Variants in INTS8 observed in about 807,000 individuals in gnomAD.
INTS8 encodes the protein integrator complex subunit 8, also known as protein kaonashi-1.
INTS8 carries 47 observed loss-of-function variants against 138.9 expected under a neutral mutation model. The observed-to-expected ratio is 0.34, with a 90% CI of 0.27 to 0.43. The LOEUF is 0.43. Ranked by LOEUF, INTS8 falls within the 20% of genes least tolerant of loss-of-function variation. The pLI is 1.00. For missense variants in INTS8, 996 were observed against 1,173.0 expected (o/e 0.85, Z 2.20); for synonymous variants, 392 against 400.9 (o/e 0.98, Z 0.27).
rs115527698 is a variant in INTS8, at chr8:94,860,683, G to C, written c.2076+1051G>C. On this transcript the variant is annotated intron_variant, in intron 16 of 26. Transcript: ENST00000523731. The stretch of plus-strand genomic sequence containing the variant: ...CTTTTTGGGTATATTTGGTGCTTCA[G>C]ATTTTCCCATTATTTTTAATTGTTC... 8.8e-3 allele frequency among the ~76,000 whole-genome samples: 1,322 copies of C among 150,744 alleles called. 25 individuals are homozygous for C. Among genetic ancestry groups the C allele is most frequent in the African/African-American group, 0.03 (1,248 of 40,962 alleles).
At chr8:94,855,284 A>G (rs568425050) in intron 14 of INTS8, among the ~76,000 whole-genome samples, 38 of 152,338 alleles carry the variant, frequency 2.5e-4, no homozygotes, top group Non-Finnish European at 4.3e-4. Flanking sequence ...TTAACTCAGT[A>G]TGTCTAATTT....
intron 16 of INTS8, among the ~76,000 whole-genome samples, chr8:94,862,442 C>T (rs75246759): frequency 1.3e-5 from 2 of 152,168 alleles, no homozygotes; most frequent in Non-Finnish European, 2.9e-5. Flanking sequence ...TAACTCTTCT[C>T]TTTACCTCTG....
At chr8:94,842,783 A>G (rs1276908329) in intron 10 of INTS8, among the ~76,000 whole-genome samples, 2 of 152,042 alleles carry the variant, frequency 1.3e-5, no homozygotes, top group African/African-American at 2.4e-5. Flanking sequence ...TGGCTCACTC[A>G]TCATTTTTTA....
At chr8:94,828,183 G>C (rs570892531) in intron 4 of INTS8, among the ~76,000 whole-genome samples, 1 of 152,038 alleles carries the variant, frequency 6.6e-6, no homozygotes, top group Non-Finnish European at 1.5e-5. Context: ...GGGATTGCAG[G>C]TGTGGGCCAC....
chr8:94,845,538 C>CT (rs1306652618), intron 10 of INTS8, among the ~76,000 whole-genome samples: 1 of 152,160 alleles, frequency 6.6e-6, no homozygotes, highest in African/African-American at 2.4e-5. Flanking sequence ...TCTTGGCTCA[C>CT]TGCAACCTCC....
intron 6 of INTS8, among the ~76,000 whole-genome samples, chr8:94,833,902 G>T (rs1286930885): frequency 6.6e-6 from 1 of 152,124 alleles, no homozygotes; most frequent in Non-Finnish European, 1.5e-5. Context: ...CTCCCAAGTA[G>T]CTGGGATTAC....
chr8:94,859,431 G>A (rs1035043698), intron 15 of INTS8, 80 bp from the exon 16 acceptor site: 7 of 1,410,448 alleles, frequency 5.0e-6, no homozygotes, highest in Non-Finnish European at 6.9e-6. Context: ...TTATTCAGTT[G>A]AAATCTGAGC....
chr8:94,833,806 T>G (rs922705628), intron 6 of INTS8, among the ~76,000 whole-genome samples: 1 of 152,198 alleles, frequency 6.6e-6, no homozygotes, highest in Admixed American at 6.5e-5. Flanking sequence ...AGTTTCACTC[T>G]TGTTGCCCAG....
chr8:94,871,057 G>A (rs964973478), intron 20 of INTS8, among the ~76,000 whole-genome samples: 4 of 152,134 alleles, frequency 2.6e-5, no homozygotes, highest in Non-Finnish European at 4.4e-5. Flanking sequence ...GAAGCATCTC[G>A]AGGGGAGTCA....
At position 94,850,103 on chromosome 8, in the gene INTS8, A is replaced by G; in HGVS notation, c.1507+12A>G. The stretch of plus-strand genomic sequence containing the variant: ...TTATGATATCCCAGGTTAGCTCTCT[A>G]GTCGGCCAGCCAAAATGTTGGCATG... On this transcript the variant is annotated intron_variant, in intron 12 of 26. Coordinates refer to ENST00000523731, the MANE Select transcript of INTS8 (RefSeq NM_017864.4). 1 of 1,562,654 alleles carries G rather than the reference A, an allele frequency of 6.4e-7. No homozygotes were observed.
At chr8:94,845,757 G>A (rs766646338) in intron 10 of INTS8, among the ~76,000 whole-genome samples, 93 of 152,224 alleles carry the variant, frequency 6.1e-4, no homozygotes, top group Non-Finnish European at 1.2e-3. Context: ...TACCACGCCC[G>A]GCAGTCCTTT....
Position 94,880,663 on chromosome 8 carries a change from A to G in INTS8, c.*429A>G, listed in dbSNP as rs1227244263. The G allele has an allele frequency of 5.1e-6, 2 of 391,828 alleles. No homozygotes were observed. Among genetic ancestry groups the G allele is most frequent in the Non-Finnish European group, 9.0e-6 (2 of 222,582 alleles). 24.3% of individuals were successfully genotyped at this position (391,828 alleles called of 1,614,324 possible). A position where few individuals can be genotyped will look rare whatever the true frequency, so the allele number is the denominator to read the frequency against. On this transcript the variant is annotated 3_prime_UTR_variant, in exon 27 of 27. Transcript: ENST00000523731. Reference sequence around the variant, plus strand: ...AAAATAGAAGTTTAGGTCAAGTGTTAAGCTTTATCACTTTGACACTGTCCT... The same window carrying G: ...AAAATAGAAGTTTAGGTCAAGTGTTGAGCTTTATCACTTTGACACTGTCCT...
At chr8:94,856,657 G>T in intron 14 of INTS8, 120 bp from the exon 15 acceptor site, 1 of 787,150 alleles carries the variant, frequency 1.3e-6, no homozygotes. Flanking sequence ...CTTACTGCCT[G>T]AGAAAAGCAA....
Position 94,874,547 on chromosome 8 carries a change from T to C in INTS8, c.2638-5T>C, listed in dbSNP as rs1250835034. 1 of 1,544,604 alleles carries C rather than the reference T, an allele frequency of 6.5e-7. No individual in the cohort carries two copies. The highest frequency in any genetic ancestry group is 8.9e-7 in the Non-Finnish European group (1 of 1,118,090). On this transcript the variant is annotated splice_polypyrimidine_tract_variant and splice_region_variant and intron_variant, in intron 22 of 26. Transcript: ENST00000523731. ...TTGAAAATAATGAGAATTTTGCTTT[T>C]GTAGGTAATAAAACGAATGATAAAA...
chr8:94,880,578 CT>C lies in INTS8; in HGVS notation c.*351del. 2 of 326,356 alleles carry C rather than the reference CT, an allele frequency of 6.1e-6. No homozygotes were observed. Among genetic ancestry groups the C allele is most frequent in the Non-Finnish European group, 1.1e-5 (2 of 183,514 alleles). 20.2% of individuals were successfully genotyped at this position (326,356 alleles called of 1,614,324 possible). ...GCCTATGTACAGCAAGTTTTCATGT[CT>C]TTTTTTAATAAATAGATTTCTAGGA... On this transcript the variant is annotated 3_prime_UTR_variant, in exon 27 of 27. Coordinates refer to ENST00000523731, the MANE Select transcript of INTS8 (RefSeq NM_017864.4).
chr8:94,842,073 G>GAA (rs796273255), intron 9 of INTS8, among the ~76,000 whole-genome samples: 87 of 115,996 alleles, frequency 7.5e-4, no homozygotes, highest in Non-Finnish European at 8.5e-4. Context: ...CGTCTCAAAA[G>GAA]AAAAAAAAAA....
Position 94,851,543 on chromosome 8 carries a change from CTTT to C in INTS8, c.1508-5_1508-3del. ...TGAATTAAATCATTGAAATATAAAT[CTTT>C]TTTTAGCTTCAGCAAGTGTCAACAT... On this transcript the variant is annotated splice_region_variant and splice_polypyrimidine_tract_variant and intron_variant, in intron 12 of 26. Transcript: ENST00000523731. 4 of 1,538,012 alleles carry C rather than the reference CTTT, an allele frequency of 2.6e-6. No homozygotes were observed. The highest frequency in any genetic ancestry group is 3.5e-6 in the Non-Finnish European group (4 of 1,141,842).
intron 26 of INTS8, among the ~76,000 whole-genome samples, chr8:94,878,706 T>C (rs1816663209): frequency 6.6e-6 from 1 of 152,210 alleles, no homozygotes; most frequent in African/African-American, 2.4e-5. Context: ...TCTGCCTAGC[T>C]TTTGAAGCTC....
chr8:94,851,990 T>A (rs184142528), intron 13 of INTS8, among the ~76,000 whole-genome samples: 1 of 152,358 alleles, frequency 6.6e-6, no homozygotes, highest in African/African-American at 2.4e-5. Context: ...TCGCTCAGGC[T>A]GGAGTGCAGT....
Sources: allele counts gnomAD v4.1 joint callset (sites outside exome capture counted in the v4.1 genomes callset), GRCh38; gene constraint gnomAD v4.1.1; transcripts MANE v1.5; gene names NCBI Gene and HGNC (gene_info 2026-07-23, HGNC 2026-07-21).